TEX9: variants seen among roughly 807,000 people sequenced by gnomAD.
TEX9 encodes the protein testis expressed 9, also known as testis-expressed protein 9.
A neutral mutation model predicts 59.6 loss-of-function variants in TEX9; 74 were observed. The observed-to-expected ratio is 1.24, with a 90% CI of 1.03 to 1.51. The LOEUF is 1.51. Among genes scored for constraint, TEX9 ranks in the 40% most tolerant of loss-of-function variants. The pLI is 0.00. For synonymous variants in TEX9, 186 were observed against 152.2 expected, an observed-to-expected ratio of 1.22 and a Z score of -1.64; for missense variants, 522 against 447.8, an observed-to-expected ratio of 1.17 and a Z score of -1.49.
chr15:56,448,934 G>T (rs2050928084), downstream of TEX9, among the ~76,000 whole-genome samples: 1 of 151,400 alleles, frequency 6.6e-6, no homozygotes, highest in Non-Finnish European at 1.5e-5. Context: ...TTTGTATTTT[G>T]AGTACAGATG....
At chr15:56,245,146 T>C (rs1318554428) in intron 1 of TEX9, among the ~76,000 whole-genome samples, 1 of 152,244 alleles carries the variant, frequency 6.6e-6, no homozygotes, top group African/African-American at 2.4e-5. Context: ...AGACTCCTAG[T>C]GGATGGTGAA....
chr15:56,357,442 T>G (rs1233534028), intron 1 of TEX9, among the ~76,000 whole-genome samples: 1 of 152,170 alleles, frequency 6.6e-6, no homozygotes, highest in African/African-American at 2.4e-5. Flanking sequence ...CTCTTTGTGA[T>G]GCACCATGCT....
intron 2 of TEX9, chr15:56,365,974 C>T: frequency 1.0e-6 from 1 of 998,722 alleles, no homozygotes; most frequent in Non-Finnish European, 1.3e-6. Flanking sequence ...GCAGGAATTG[C>T]CACGAATAGT....
intron 1 of TEX9, among the ~76,000 whole-genome samples, chr15:56,314,749 G>C (rs1385015929): frequency 6.6e-6 from 1 of 151,330 alleles, no homozygotes; most frequent in Non-Finnish European, 1.5e-5. Context: ...TGACAGTGGG[G>C]TGTTAAAGTC....
chr15:56,432,783 T>C (rs1470370172), intron 12 of TEX9, among the ~76,000 whole-genome samples: 1 of 152,168 alleles, frequency 6.6e-6, no homozygotes, highest in East Asian at 1.9e-4. Flanking sequence ...ATCTGAAATA[T>C]AACAGCACTT....
chr15:56,393,486 G>A (rs1366820299), intron 7 of TEX9, among the ~76,000 whole-genome samples: 13 of 152,142 alleles, frequency 8.5e-5, no homozygotes, highest in Admixed American at 8.5e-4. Context: ...TTCCATGATG[G>A]TAAGGGTTGT....
chr15:56,371,942 C>T (rs2047209155), intron 2 of TEX9, among the ~76,000 whole-genome samples: 1 of 152,188 alleles, frequency 6.6e-6, no homozygotes, highest in South Asian at 2.1e-4. Context: ...CATACATCAG[C>T]TTCTAGCTTT....
chr15:56,392,164 T>C (rs556545056), intron 7 of TEX9, among the ~76,000 whole-genome samples: 1 of 152,326 alleles, frequency 6.6e-6, no homozygotes, highest in East Asian at 1.9e-4. Context: ...TTGTATTAGA[T>C]GATCATTAAG....
intron 1 of TEX9, among the ~76,000 whole-genome samples, chr15:56,264,934 G>C (rs2044345648): frequency 6.6e-6 from 1 of 152,090 alleles, no homozygotes; most frequent in Non-Finnish European, 1.5e-5. Context: ...GTCTGTATTT[G>C]GACTGTTTGG....
chr15:56,389,531 T>C (rs1229324636), intron 6 of TEX9, 131 bp downstream of exon 6: 2 of 619,196 alleles, frequency 3.2e-6, no homozygotes. Flanking sequence ...ACACCACATA[T>C]ATCTTATCCA....
intron 1 of TEX9, among the ~76,000 whole-genome samples, chr15:56,315,744 G>A (rs1287907244): frequency 4.1e-5 from 6 of 146,578 alleles, no homozygotes; most frequent in Admixed American, 2.1e-4. Flanking sequence ...CCTGCAGAGT[G>A]TTTTCCAACT....
At chr15:56,294,222 C>T (rs550981254) in intron 1 of TEX9, among the ~76,000 whole-genome samples, 3 of 152,292 alleles carry the variant, frequency 2.0e-5, no homozygotes, top group South Asian at 4.1e-4. Context: ...CTTTCACTAG[C>T]GTTTTCTAAG....
chr15:56,246,810 G>C (rs947416664), intron 1 of TEX9, among the ~76,000 whole-genome samples: 2 of 152,200 alleles, frequency 1.3e-5, no homozygotes, highest in African/African-American at 4.8e-5. Flanking sequence ...GATGTAGTGG[G>C]TTAGAAAAAC....
At chr15:56,302,951 T>C (rs1425662913) in intron 1 of TEX9, among the ~76,000 whole-genome samples, 8 of 152,000 alleles carry the variant, frequency 5.3e-5, no homozygotes, top group African/African-American at 1.9e-4. Context: ...CCAAAAACTA[T>C]AAAAAAGGAT....
intron 1 of TEX9, among the ~76,000 whole-genome samples, chr15:56,279,964 T>C (rs2044776024): frequency 6.6e-6 from 1 of 152,228 alleles, no homozygotes; most frequent in African/African-American, 2.4e-5. Flanking sequence ...TCTTGCAATA[T>C]TGGACAGCTT....
chr15:56,459,544 T>A, the TEX9 span, among the ~76,000 whole-genome samples: 1 of 152,214 alleles, frequency 6.6e-6, no homozygotes, highest in Admixed American at 6.5e-5. Context: ...GGTGTTGTTT[T>A]AAGCAGCTAA....
At chr15:56,266,467 C>T (rs560757334) in intron 1 of TEX9, among the ~76,000 whole-genome samples, 4 of 151,526 alleles carry the variant, frequency 2.6e-5, no homozygotes, top group Admixed American at 6.6e-5. Flanking sequence ...TAATGCTATC[C>T]GTCCCCCATC....
chr15:56,317,021 C>T (rs564422998), intron 1 of TEX9, among the ~76,000 whole-genome samples: 6 of 152,186 alleles, frequency 3.9e-5, no homozygotes, highest in East Asian at 1.9e-4. Flanking sequence ...GCGCAGGGTG[C>T]GCGCACCCAC....
chr15:56,389,180 A>T, intron 5 of TEX9, 138 bp from the exon 6 acceptor site: 1 of 709,016 alleles, frequency 1.4e-6, no homozygotes, highest in South Asian at 1.6e-5. Context: ...ATATTCTTGA[A>T]AACACATTTT....
Sources: allele counts gnomAD v4.1 joint callset (sites outside exome capture counted in the v4.1 genomes callset), GRCh38; gene constraint gnomAD v4.1.1; transcripts MANE v1.5; gene names NCBI Gene and HGNC (gene_info 2026-07-23, HGNC 2026-07-21).